Variants in SNX25 observed in about 807,000 individuals in gnomAD.
SNX25 encodes sorting nexin 25.
A neutral mutation model predicts 113.7 loss-of-function variants in SNX25; 62 were observed. The observed-to-expected ratio is 0.55, with a 90% CI of 0.44 to 0.67. SNX25 has a LOEUF of 0.67. SNX25 is among the 30% of genes least tolerant of loss of function. The pLI is 0.00. For missense variants in SNX25, 1,014 were observed against 1,161.0 expected (o/e 0.87, Z 1.84); for synonymous variants, 421 against 436.2 (o/e 0.97, Z 0.43).
chr4:185,346,758 G>C (rs1241093969), intron 13 of SNX25, 108 bp downstream of exon 13: 6 of 656,100 alleles, frequency 9.1e-6, no homozygotes, highest in Middle Eastern at 7.9e-4. Context: ...CACAAGCCAT[G>C]CTAGATGCTA....
intron 16 of SNX25, among the ~76,000 whole-genome samples, chr4:185,359,419 G>GA (rs1347301700): frequency 6.6e-6 from 1 of 151,834 alleles, no homozygotes; most frequent in Non-Finnish European, 1.5e-5. Flanking sequence ...GTTTTACTCA[G>GA]AAAAAATGGC....
chr4:185,367,171 C>A (rs1432834071), downstream of SNX25: 1 of 1,608,826 alleles, frequency 6.2e-7, no homozygotes, highest in Admixed American at 1.7e-5. Context: ...TGTTGAAATA[C>A]ATTGTGGTCT....
intron 1 of SNX25, among the ~76,000 whole-genome samples, chr4:185,223,133 C>T (rs530505410): frequency 1.3e-5 from 2 of 152,136 alleles, no homozygotes; most frequent in Non-Finnish European, 2.9e-5. Context: ...CCCTTTGTAT[C>T]TCCACCCCAA....
chr4:185,209,991 G>T lies in SNX25; in HGVS notation c.165G>T (p.Arg55=). The T allele has an allele frequency of 1.0e-6, 1 of 983,744 alleles. No individual in the cohort carries two copies. The highest frequency in any genetic ancestry group is 4.6e-5 in the South Asian group (1 of 21,544). 60.9% of individuals were successfully genotyped at this position (983,744 alleles called of 1,614,324 possible). Residue 55 remains arginine (R), a synonymous_variant, in exon 1 of 19, where the codon CGG becomes CGT. Coordinates refer to ENST00000652585, the MANE Select transcript of SNX25 (RefSeq NM_001378034.2). This position sits in a 1 kb window ranked among gnomAD's most constrained non-coding sequence, Gnocchi z 5.2. ...AAAAPGAPGG[R]SWWKPVAVAA... ...CGGCGCCGGGGGCCCCGGGCGGCCGGAGCTGGTGGAAGCCCGTGGCGGTGG... is the reference window on the plus strand; with the variant it reads ...CGGCGCCGGGGGCCCCGGGCGGCCGTAGCTGGTGGAAGCCCGTGGCGGTGG...
upstream of SNX25, among the ~76,000 whole-genome samples, chr4:185,206,342 A>AT (rs958956371): frequency 6.6e-5 from 10 of 152,224 alleles, no homozygotes; most frequent in Non-Finnish European, 1.3e-4. Flanking sequence ...TCTGGTCCAC[A>AT]TAACAACATT....
chr4:185,239,652 T>C (rs974442034), intron 1 of SNX25, among the ~76,000 whole-genome samples: 21 of 152,114 alleles, frequency 1.4e-4, no homozygotes, highest in Non-Finnish European at 2.9e-5. Flanking sequence ...CAAAACTTTA[T>C]TTTATTTTTG....
intron 1 of SNX25, among the ~76,000 whole-genome samples, chr4:185,224,627 A>G (rs1011500497): frequency 1.4e-5 from 2 of 146,206 alleles, no homozygotes; most frequent in Admixed American, 1.4e-4. Flanking sequence ...ATAAATTTAT[A>G]TAAGTATATA....
At chr4:185,226,836 C>T (rs1021272854) in intron 1 of SNX25, among the ~76,000 whole-genome samples, 1 of 152,174 alleles carries the variant, frequency 6.6e-6, no homozygotes, top group African/African-American at 2.4e-5. Context: ...ATCTGCTTAG[C>T]TTTTTAATCC....
At chr4:185,373,740 G>C (rs1382323222), downstream of SNX25, among the ~76,000 whole-genome samples, 1 of 152,168 alleles carries the variant, frequency 6.6e-6, no homozygotes, top group Non-Finnish European at 1.5e-5. Flanking sequence ...TGATGAAAGA[G>C]ATTATATTTC....
downstream of SNX25, among the ~76,000 whole-genome samples, chr4:185,371,304 C>T (rs1326366114): frequency 6.6e-6 from 1 of 152,032 alleles, no homozygotes; most frequent in African/African-American, 2.4e-5. Flanking sequence ...CTTTGGGAGG[C>T]CAAGGCAGGC....
rs1553980506 is a variant in SNX25 at position 185,212,463 on chromosome 4, A to ATG, written c.429+2236_429+2237dup. Among the ~76,000 whole-genome samples the ATG allele has an allele frequency of 7.3e-3, 870 of 119,350 alleles. 13 individuals are homozygous for ATG. The highest frequency in any genetic ancestry group is 0.035 in the Middle Eastern group (8 of 230). The allele number at this position is 119,350 out of a possible 152,430, so 78.3% of individuals were successfully genotyped here. A position where few individuals can be genotyped will look rare whatever the true frequency, so the allele number is the denominator to read the frequency against. Reference sequence around the variant, plus strand: ...TGCTGTATTTCCAATAATTTGTGTGATGTGTGTGTGTGTGTGTGTGTGTGT... The same window carrying ATG: ...TGCTGTATTTCCAATAATTTGTGTGATGTGTGTGTGTGTGTGTGTGTGTGTGT... On this transcript the variant is annotated intron_variant, in intron 1 of 18. Coordinates refer to ENST00000652585, the MANE Select transcript of SNX25 (RefSeq NM_001378034.2).
intron 8 of SNX25, among the ~76,000 whole-genome samples, chr4:185,322,217 G>A (rs1489303422): frequency 6.6e-6 from 1 of 152,214 alleles, no homozygotes; most frequent in African/African-American, 2.4e-5. Flanking sequence ...CAGTTCACAA[G>A]GTCAGGAGTT....
At chr4:185,221,990 C>A (rs1250136724) in intron 1 of SNX25, among the ~76,000 whole-genome samples, 1 of 148,934 alleles carries the variant, frequency 6.7e-6, no homozygotes, top group African/African-American at 2.5e-5. Flanking sequence ...CCATATACCC[C>A]TCCTTCATGG....
chr4:185,215,981 G>C lies in SNX25; in HGVS notation c.429+5726G>C, dbSNP rs548032451. ...CCAGCTAATTTTTGTATTTTTGGTA[G>C]AGACGGGGTTTTGCTATGTTGCCCA... On this transcript the variant is annotated intron_variant, in intron 1 of 18. Transcript: ENST00000652585. 5.3e-5 allele frequency among the ~76,000 whole-genome samples: 8 copies of C among 152,220 alleles called. No homozygotes were observed. In the South Asian group the frequency reaches 1.7e-3, roughly 32 times the overall value.
chr4:185,378,578 C>T, the SNX25 span: 1 of 1,003,026 alleles, frequency 1.0e-6, no homozygotes, highest in Non-Finnish European at 1.2e-6. Flanking sequence ...CTGGTACCTT[C>T]TCTGCCCTTG....
At chr4:185,234,681 C>CAAAAAAAAAAAAAAAAAAAA (rs369613640) in intron 1 of SNX25, among the ~76,000 whole-genome samples, 1 of 16,172 alleles carries the variant, frequency 6.2e-5, no homozygotes, top group African/African-American at 2.1e-4. Flanking sequence ...GACTCTGTCT[C>CAAAAAAAAAAAAAAAAAAAA]AAAAAAAAAA....
At chr4:185,371,046 A>G (rs956022780), downstream of SNX25, 1 of 433,530 alleles carries the variant, frequency 2.3e-6, no homozygotes. Flanking sequence ...AGCAGGCTCA[A>G]TAACCACTGG....
At position 185,239,136 on chromosome 4, in the gene SNX25, A is replaced by G. The variant is rs546953182; in HGVS notation, c.430-8158A>G. On this transcript the variant is annotated intron_variant, in intron 1 of 18. Coordinates refer to ENST00000652585, the MANE Select transcript of SNX25 (RefSeq NM_001378034.2). ...CTGATATATATTCAGAAAAGGGTTT[A>G]TTGATAAAACGTACATGCTTTTTCA... 2.0e-5 allele frequency among the ~76,000 whole-genome samples: 3 copies of G among 152,314 alleles called. No individual in the cohort carries two copies. In the East Asian group the frequency reaches 5.8e-4, roughly 29 times the overall value.
At chr4:185,333,793 G>A (rs2095212019) in intron 10 of SNX25, among the ~76,000 whole-genome samples, 1 of 152,022 alleles carries the variant, frequency 6.6e-6, no homozygotes, top group South Asian at 2.1e-4. Flanking sequence ...GCTCATGCCT[G>A]TAATCTTTGG....
Sources: gnomAD v4.1 joint callset for allele counts (sites outside exome capture counted in the v4.1 genomes callset) on GRCh38, gnomAD v4.1.1 for gene constraint, Gnocchi (gnomAD v3.1) non-coding constraint, MANE v1.5 for transcripts, NCBI Gene and HGNC (gene_info 2026-07-23, HGNC 2026-07-21) for gene names.